Variants in ANKRD16 observed in about 807,000 individuals in gnomAD.
ANKRD16 encodes the protein ankyrin repeat domain-containing protein 16.
Under a neutral mutation model 37.9 loss-of-function variants are expected in ANKRD16, and 35 were observed. The ratio of observed to expected loss-of-function variants is 0.92; its 90% CI spans 0.71 to 1.23. The LOEUF is 1.23. Among genes scored for constraint, ANKRD16 ranks in the 50% most tolerant of loss-of-function variants. The pLI is 0.00. For missense variants in ANKRD16, 480 were observed against 469.9 expected (o/e 1.02, Z -0.20); for synonymous variants, 206 against 197.2 (o/e 1.04, Z -0.37).
rs1289559274 is a variant in ANKRD16 at position 5,871,625 on chromosome 10, C to T, written c.*33+6472G>A. ...CCCTGAACTTTTCTTCCTTCTTGCC[C>T]TTCTTCTTTCCTTCATGCCTCTGAG... is the stretch of plus-strand genomic sequence containing the variant. On this transcript the variant is annotated intron_variant, in intron 7 of 7. Transcript: ENST00000380094. This position sits in a 1 kb window ranked among gnomAD's most constrained non-coding sequence, Gnocchi z 4.5. Among the ~76,000 whole-genome samples, 1 of 152,032 alleles carries T rather than the reference C, an allele frequency of 6.6e-6. No individual in the cohort carries two copies. Among genetic ancestry groups the T allele is most frequent in the African/African-American group, 2.4e-5 (1 of 41,344 alleles).
chr10:5,885,200 AG>A (rs1373031731), intron 3 of ANKRD16, among the ~76,000 whole-genome samples: 48 of 151,376 alleles, frequency 3.2e-4, no homozygotes, highest in Non-Finnish European at 8.8e-5. Context: ...TTTTTTTTTG[AG>A]ACAGAGTCTT....
At chr10:5,886,461 T>C (rs1317320024) in intron 2 of ANKRD16, among the ~76,000 whole-genome samples, 3 of 152,108 alleles carry the variant, frequency 2.0e-5, no homozygotes, top group African/African-American at 7.2e-5. Context: ...CATGGTGGCA[T>C]GCGCCAGTAA....
Position 5,863,848 on chromosome 10 carries a change from G to A in ANKRD16, c.*34-1157C>T, listed in dbSNP as rs1231055045. 6.6e-6 allele frequency among the ~76,000 whole-genome samples: 1 copy of A among 152,112 alleles called. No individual in the cohort carries two copies. The highest frequency in any genetic ancestry group is 2.4e-5 in the African/African-American group (1 of 41,392). On this transcript the variant is annotated intron_variant, in intron 7 of 7. Transcript: ENST00000380094. The surrounding 1 kb of genome is among the most constrained non-coding windows in gnomAD (Gnocchi z 4.7). ...CTGCGAGGTCCACGGCTTCATTGTT[G>A]AAGTCAGTGAGACCAAGAACGCACC... is the stretch of plus-strand genomic sequence containing the variant.
At position 5,883,995 on chromosome 10, in the gene ANKRD16, C is replaced by A; in HGVS notation, c.661G>T (p.Ala221Ser). ...CCATGTTCATCGAGGAGCAGCCTAG[C>A]GACGTCGATGTGCCCACACTGGATT... ...DAIQCGHIDVARLLLDEHGAC... is the reference protein window; with the variant it reads ...DAIQCGHIDVSRLLLDEHGAC... The change falls in exon 4 of 8, where the codon GCT becomes TCT. Residue 221 changes from alanine (A) to serine (S), a missense_variant. Coordinates refer to ENST00000380094, the MANE Select transcript of ANKRD16 (RefSeq NM_019046.3). 1 of 1,614,026 alleles carries A rather than the reference C, an allele frequency of 6.2e-7. No individual in the cohort carries two copies. The highest frequency in any genetic ancestry group is 1.1e-5 in the South Asian group (1 of 91,084).
At chr10:5,881,835 C>T (rs539717412) in intron 5 of ANKRD16, among the ~76,000 whole-genome samples, 1 of 151,892 alleles carries the variant, frequency 6.6e-6, no homozygotes, top group Non-Finnish European at 1.5e-5. Context: ...CTACAGGCAC[C>T]TGCCACCATG....
At position 5,878,157 on chromosome 10, in the gene ANKRD16, C is replaced by T; in HGVS notation, c.1059G>A (p.Gln353=). The T allele has an allele frequency of 1.2e-6, 2 of 1,614,136 alleles. No individual in the cohort carries two copies. The highest frequency in any genetic ancestry group is 3.3e-5 in the Admixed American group (2 of 60,018). Residue 353 remains glutamine, a synonymous_variant, in exon 7 of 8, where the codon CAG becomes CAA. Coordinates refer to ENST00000380094, the MANE Select transcript of ANKRD16 (RefSeq NM_019046.3). This position sits in a 1 kb window ranked among gnomAD's most constrained non-coding sequence, Gnocchi z 5.1. ...ATGTCATTGCGCTATGGCCAGAGCCCTGAAGGACATCTGCTCTCCTTGGGA... is the reference window on the plus strand; with the variant it reads ...ATGTCATTGCGCTATGGCCAGAGCCTTGAAGGACATCTGCTCTCCTTGGGA... ...QQLPRRADVL[Q]GSGHSAMT
chr10:5,878,232 C>T lies in ANKRD16; in HGVS notation c.984G>A (p.Gln328=), dbSNP rs138654100. 3.7e-5 allele frequency: 60 copies of T among 1,614,186 alleles called. No individual in the cohort carries two copies. In the African/African-American group the frequency reaches 7.6e-4, roughly 20 times the overall value. Residue 328 remains glutamine (Q), a synonymous_variant, in exon 7 of 8, where the codon CAG becomes CAA. Transcript: ENST00000380094. This position sits in a 1 kb window ranked among gnomAD's most constrained non-coding sequence, Gnocchi z 5.1. ...QHLACAKFLL[Q]SGLKDSEDIT... The stretch of plus-strand genomic sequence containing the variant: ...TGTCTTCAGAATCCTTCAGTCCCGA[C>T]TGCAGGAGAAACTTGGCACAGGCCA...
rs1842008229 is a variant in ANKRD16 at position 5,865,969 on chromosome 10, G to A, written c.*34-3278C>T. Among the ~76,000 whole-genome samples the A allele has an allele frequency of 6.6e-6, 1 of 152,202 alleles. No individual in the cohort carries two copies. The highest frequency in any genetic ancestry group is 1.5e-5 in the Non-Finnish European group (1 of 68,034). ...ACAACCAGTGGCATACCTAAGTAAG[G>A]AAACTGATATAGTAGCAAAAGGCTG... On this transcript the variant is annotated intron_variant, in intron 7 of 7. Coordinates refer to ENST00000380094, the MANE Select transcript of ANKRD16 (RefSeq NM_019046.3). The surrounding 1 kb of genome is among the most constrained non-coding windows in gnomAD (Gnocchi z 4.7).
intron 5 of ANKRD16, 140 bp from the exon 6 acceptor site, chr10:5,880,516 G>T: frequency 2.3e-6 from 1 of 428,340 alleles, no homozygotes; most frequent in Non-Finnish European, 4.1e-6. Flanking sequence ...AGACAGGTCT[G>T]TGTCTCTCTC....
In ANKRD16 at chr10:5,862,055, CCAT is replaced by C. The variant is rs1217552105; in HGVS notation, c.*667_*669del. 2.3e-5 allele frequency: 4 copies of C among 171,304 alleles called. No homozygotes were observed. Among genetic ancestry groups the C allele is most frequent in the Non-Finnish European group, 5.0e-5 (4 of 79,758 alleles). The allele number at this position is 171,304 out of a possible 1,614,324, so 10.6% of individuals were successfully genotyped here. A position where few individuals can be genotyped will look rare whatever the true frequency, so the allele number is the denominator to read the frequency against. ...TAGCTGGGACTACAGGCGCCCACCA[CCAT>C]GCCTGGCTAATTTTTTTGTATTTTT... On this transcript the variant is annotated 3_prime_UTR_variant, in exon 8 of 8. Transcript: ENST00000380094. This position sits in a 1 kb window ranked among gnomAD's most constrained non-coding sequence, Gnocchi z 6.5.
rs1186384423 is a variant in ANKRD16, at chr10:5,883,970, C to A, written c.686G>T (p.Gly229Val). Residue 229 changes from glycine to valine, a missense_variant and splice_region_variant, in exon 4 of 8, where the codon GGG (glycine) becomes GTG (valine). Transcript: ENST00000380094. ...ATAAAAACACAACCATTTTTATACC[C>A]CATGTTCATCGAGGAGCAGCCTAGC... is the stretch of plus-strand genomic sequence containing the variant. ...DVARLLLDEH[G>V]ACLSAEDSLG... is the part of the protein sequence containing the mutation. 1.2e-6 allele frequency: 2 copies of A among 1,613,378 alleles called. No individual in the cohort carries two copies. The highest frequency in any genetic ancestry group is 2.2e-5 in the South Asian group (2 of 91,022).
chr10:5,882,339 C>T (rs1280035684), intron 5 of ANKRD16, among the ~76,000 whole-genome samples: 2 of 151,966 alleles, frequency 1.3e-5, no homozygotes, highest in African/African-American at 2.4e-5. Flanking sequence ...GTCAAAAGTT[C>T]GAGACCAACC....
Position 5,870,906 on chromosome 10 carries a change from G to A in ANKRD16, c.*33+7191C>T, listed in dbSNP as rs372291247. Among the ~76,000 whole-genome samples the A allele has an allele frequency of 4.1e-4, 63 of 152,248 alleles. 1 individual carries two copies. The highest frequency in any genetic ancestry group is 3.6e-3 in the Admixed American group (55 of 15,288). On this transcript the variant is annotated intron_variant, in intron 7 of 7. Coordinates refer to ENST00000380094, the MANE Select transcript of ANKRD16 (RefSeq NM_019046.3). The surrounding 1 kb of genome is among the most constrained non-coding windows in gnomAD (Gnocchi z 5.0). The stretch of plus-strand genomic sequence containing the variant: ...GGGCCGATAAATGCATCCACTCCCC[G>A]TGCTTTCCCAGGAGCGCCCAGGCCT...
At position 5,878,127 on chromosome 10, in the gene ANKRD16, T is replaced by G. The variant is rs774351846; in HGVS notation, c.*3A>C. The G allele has an allele frequency of 2.5e-6, 4 of 1,613,330 alleles. No homozygotes were observed. The South Asian group carries it at 3.3e-5, about 13-fold the overall frequency. On this transcript the variant is annotated 3_prime_UTR_variant, in exon 7 of 8. Coordinates refer to ENST00000380094, the MANE Select transcript of ANKRD16 (RefSeq NM_019046.3). The surrounding 1 kb of genome is among the most constrained non-coding windows in gnomAD (Gnocchi z 5.1). Reference sequence around the variant, plus strand: ...ACTTTATTGCCTCCTCTTGGAAACATCCTTATGTCATTGCGCTATGGCCAG... The same window carrying G: ...ACTTTATTGCCTCCTCTTGGAAACAGCCTTATGTCATTGCGCTATGGCCAG...
intron 7 of ANKRD16, among the ~76,000 whole-genome samples, chr10:5,873,358 G>A (rs1842134439): frequency 6.6e-6 from 1 of 151,260 alleles, no homozygotes; most frequent in Non-Finnish European, 1.5e-5. Flanking sequence ...ATGTTTAGCA[G>A]AGATGGGGTT....
intron 7 of ANKRD16, among the ~76,000 whole-genome samples, chr10:5,877,433 G>GT (rs1246688709): frequency 6.6e-6 from 1 of 152,120 alleles, no homozygotes; most frequent in African/African-American, 2.4e-5. Context: ...TTTTTTACAT[G>GT]TATTTATTAC....
intron 5 of ANKRD16, chr10:5,881,169 G>C: frequency 1.4e-6 from 1 of 732,432 alleles, no homozygotes; most frequent in Non-Finnish European, 1.7e-6. Context: ...TAAATATTTT[G>C]GTGACATTTA....
chr10:5,888,125 G>T, intron 1 of ANKRD16, 58 bp from the exon 2 acceptor site: 1 of 1,501,300 alleles, frequency 6.7e-7, no homozygotes, highest in Non-Finnish European at 9.2e-7. Context: ...AGAAGCCAGG[G>T]GCCAGGTCTT....
rs143607770 is a variant in ANKRD16 at position 5,887,631 on chromosome 10, G to A, written c.535+216C>T. Among the ~76,000 whole-genome samples the A allele has an allele frequency of 0.017, 2,629 of 151,680 alleles. 43 individuals carry two copies. Among genetic ancestry groups the A allele is most frequent in the Middle Eastern group, 0.062 (18 of 290 alleles). ...ACGCCTGACCTCAGGTGATCCACCC[G>A]CCTCCGGCCTCCCAAAGTGCTGGGA... On this transcript the variant is annotated intron_variant, in intron 2 of 7. Transcript: ENST00000380094.
Sources: allele counts gnomAD v4.1 joint callset (sites outside exome capture counted in the v4.1 genomes callset), GRCh38; gene constraint gnomAD v4.1.1; non-coding constraint Gnocchi (gnomAD v3.1); transcripts MANE v1.5; gene names NCBI Gene and HGNC (gene_info 2026-07-23, HGNC 2026-07-21).